PLXNA4: variants seen among roughly 807,000 people sequenced by gnomAD.
The protein encoded by PLXNA4 is plexin-A4.
PLXNA4 carries 44 observed loss-of-function variants against 191.8 expected under a neutral mutation model. That is an observed-to-expected ratio of 0.23 (90% CI 0.18 to 0.29). PLXNA4 has a LOEUF of 0.29. Among genes scored for constraint, PLXNA4 ranks in the 10% least tolerant of loss-of-function variants. PLXNA4 has a pLI of 1.00. For synonymous variants in PLXNA4, 1,082 were observed against 1,009.5 expected, an observed-to-expected ratio of 1.07 and a Z score of -1.36; for missense variants, 1,800 against 2,488.8, an observed-to-expected ratio of 0.72 and a Z score of 5.89.
intron 3 of PLXNA4, among the ~76,000 whole-genome samples, chr7:132,457,248 A>G (rs1796347501): frequency 6.6e-6 from 1 of 152,194 alleles, no homozygotes; most frequent in South Asian, 2.1e-4. Flanking sequence ...CAGTTTTTCC[A>G]CTAATGTCCT....
At chr7:132,231,081 CT>C (rs1334211644) in intron 5 of PLXNA4, among the ~76,000 whole-genome samples, 1 of 152,190 alleles carries the variant, frequency 6.6e-6, no homozygotes, top group Non-Finnish European at 1.5e-5. Flanking sequence ...TACTCATCAT[CT>C]TCCCCCAATT....
Position 132,211,161 on chromosome 7 carries a change from G to A in PLXNA4, c.2098-18C>T, listed in dbSNP as rs566210343. ...GGGCAGTCCTGGGGACAGAGGGCATGGCTCAGGCTGGGCAGCCAGGAAACC... is the reference window on the plus strand; with the variant it reads ...GGGCAGTCCTGGGGACAGAGGGCATAGCTCAGGCTGGGCAGCCAGGAAACC... On this transcript the variant is annotated intron_variant, in intron 9 of 31. Coordinates refer to ENST00000321063, the MANE Select transcript of PLXNA4 (RefSeq NM_020911.2). 1.4e-4 allele frequency: 220 copies of A among 1,549,506 alleles called. No homozygotes were observed. The highest frequency in any genetic ancestry group is 3.1e-4 in the Admixed American group (16 of 51,052).
At chr7:132,230,775 C>T (rs1584876072) in intron 5 of PLXNA4, among the ~76,000 whole-genome samples, 1 of 152,192 alleles carries the variant, frequency 6.6e-6, no homozygotes, top group East Asian at 1.9e-4. Flanking sequence ...ACTGACTCCC[C>T]AACTTTGAAG....
chr7:132,601,144 A>G (rs1191500809), intron 2 of PLXNA4, among the ~76,000 whole-genome samples: 1 of 152,180 alleles, frequency 6.6e-6, no homozygotes, highest in Non-Finnish European at 1.5e-5. Context: ...TCCTCAAAAT[A>G]CCTACTATAC....
intron 5 of PLXNA4, among the ~76,000 whole-genome samples, chr7:132,238,843 C>A (rs1798789079): frequency 1.3e-5 from 2 of 152,246 alleles, no homozygotes; most frequent in African/African-American, 4.8e-5. Context: ...AGCTCACAGT[C>A]CTTCCCCAGC....
chr7:132,381,070 AT>A (rs1804875000), intron 3 of PLXNA4, among the ~76,000 whole-genome samples: 1 of 152,242 alleles, frequency 6.6e-6, no homozygotes, highest in African/African-American at 2.4e-5. Flanking sequence ...ATGGACTATA[AT>A]CAGTTTCAAT....
At chr7:132,424,895 T>C (rs1585117116) in intron 3 of PLXNA4, among the ~76,000 whole-genome samples, 1 of 152,226 alleles carries the variant, frequency 6.6e-6, no homozygotes, top group East Asian at 1.9e-4. Context: ...TGGTGTGCCC[T>C]CCACGCATCG....
At chr7:132,274,214 G>C (rs1800185524) in intron 4 of PLXNA4, among the ~76,000 whole-genome samples, 1 of 151,862 alleles carries the variant, frequency 6.6e-6, no homozygotes, top group South Asian at 2.1e-4. Context: ...AAGAATTGTG[G>C]AGAGTGATGG....
In PLXNA4 at chr7:132,476,508, G is replaced by C. The variant is rs957512060; in HGVS notation, c.1371+12784C>G. ...AGGATTCTGACTCTGCAAGTCTCTTGCCTTTTCCAGAGAGGAGCAGGTTGG... is the reference window on the plus strand; with the variant it reads ...AGGATTCTGACTCTGCAAGTCTCTTCCCTTTTCCAGAGAGGAGCAGGTTGG... On this transcript the variant is annotated intron_variant, in intron 3 of 31. Transcript: ENST00000321063. Among the ~76,000 whole-genome samples, 10 of 152,326 alleles carry C rather than the reference G, an allele frequency of 6.6e-5. No homozygotes were observed. In the East Asian group the frequency reaches 1.9e-3, roughly 29 times the overall value.
Position 132,174,780 on chromosome 7 carries a change from C to T in PLXNA4, c.4015G>A (p.Glu1339Lys). The T allele has an allele frequency of 6.2e-7, 1 of 1,613,996 alleles. No individual in the cohort carries two copies. Among genetic ancestry groups the T allele is most frequent in the Non-Finnish European group, 8.5e-7 (1 of 1,179,838 alleles). Reference protein sequence around the residue: ...IEDHPVLRDLEVPGYRQERVE... With the variant: ...IEDHPVLRDLKVPGYRQERVE... The stretch of plus-strand genomic sequence containing the variant: ...CAGGATGGAGCACTGCTTCTCACCT[C>T]AAGGTCCCGGAGGACAGGGTGGTCT... The change falls in exon 21 of 32, where the codon GAG becomes AAG. Residue 1339 changes from glutamate (E) to lysine (K), a missense_variant and splice_region_variant. Around this residue, in one of 6 missense-constraint regions of PLXNA4, gnomAD observed 1,397 missense variants for 1,880.4 expected, o/e 0.74. Coordinates refer to ENST00000321063, the MANE Select transcript of PLXNA4 (RefSeq NM_020911.2).
chr7:132,489,219 T>C (rs1797682779), intron 3 of PLXNA4, 73 bp downstream of exon 3: 59 of 1,455,538 alleles, frequency 4.1e-5, no homozygotes, highest in Non-Finnish European at 4.6e-5. Context: ...AGCAAAAAGA[T>C]GTAAGATAAC....
At chr7:132,279,025 G>A (rs901096159) in intron 4 of PLXNA4, among the ~76,000 whole-genome samples, 2 of 152,192 alleles carry the variant, frequency 1.3e-5, no homozygotes, top group East Asian at 1.9e-4. Context: ...TGATAACAAT[G>A]ACTGAATAGT....
chr7:132,275,728 C>T (rs1800251421), intron 4 of PLXNA4, among the ~76,000 whole-genome samples: 1 of 152,198 alleles, frequency 6.6e-6, no homozygotes. Flanking sequence ...TCGCCAGCAC[C>T]TGGGTCTAGC....
chr7:132,568,425 GAATTCTGGGGCTCCT>G (rs1234277531), intron 1 of PLXNA4, among the ~76,000 whole-genome samples: 7 of 152,150 alleles, frequency 4.6e-5, no homozygotes, highest in Admixed American at 6.5e-5. Context: ...ACAGACTCGT[GAATTCTGGGGCTCCT>G]AATTGGAGTA....
upstream of PLXNA4, chr7:132,577,162 G>C (rs1400278627): frequency 6.8e-5 from 10 of 146,744 alleles, no homozygotes; most frequent in South Asian, 1.8e-3. Context: ...GCTCGGCCGC[G>C]GGCCGAGCCG....
chr7:132,632,699 T>A (rs909471882), intron 2 of PLXNA4, among the ~76,000 whole-genome samples: 1 of 152,226 alleles, frequency 6.6e-6, no homozygotes, highest in African/African-American at 2.4e-5. Context: ...AATCCCATTA[T>A]CACTATCATT....
chr7:132,169,975 T>C lies in PLXNA4; in HGVS notation c.4018-1403A>G, dbSNP rs549041760. Among the ~76,000 whole-genome samples, 9 of 152,104 alleles carry C rather than the reference T, an allele frequency of 5.9e-5. No individual in the cohort carries two copies. The South Asian group carries it at 1.5e-3, about 25-fold the overall frequency. On this transcript the variant is annotated intron_variant, in intron 21 of 31. Transcript: ENST00000321063. ...GAGGCAGGGAGTGGGAGGGACGGCC[T>C]GGGGAGGTAACTTCGGAGTCACGTC...
intron 3 of PLXNA4, among the ~76,000 whole-genome samples, chr7:132,356,238 C>T (rs1281818055): frequency 6.6e-6 from 1 of 152,090 alleles, no homozygotes; most frequent in Admixed American, 6.6e-5. Flanking sequence ...TATCCAGGTG[C>T]TCAAATGGGA....
rs1563048394 is a variant in PLXNA4 at position 132,132,471 on chromosome 7, TG to T, written c.5589+577del. Among the ~76,000 whole-genome samples, 275 of 57,932 alleles carry T rather than the reference TG, an allele frequency of 4.7e-3. 8 individuals are homozygous for T. The highest frequency in any genetic ancestry group is 4.9e-3 in the Non-Finnish European group (145 of 29,892). The allele number at this position is 57,932 out of a possible 152,430, so 38.0% of individuals were successfully genotyped here. A position where few individuals can be genotyped will look rare whatever the true frequency, so the allele number is the denominator to read the frequency against. On this transcript the variant is annotated intron_variant, in intron 31 of 31. Transcript: ENST00000321063. ...TGTTCTGTTCTGTTCTGTTCTGCTC[TG>T]CTCTGCTCTGCTCTGCTCTATTCTT...
Sources: gnomAD v4.1 joint callset for allele counts (sites outside exome capture counted in the v4.1 genomes callset) on GRCh38, gnomAD v4.1.1 for gene constraint, gnomAD v4.1.1 regional missense constraint, MANE v1.5 for transcripts, NCBI Gene and HGNC (gene_info 2026-07-23, HGNC 2026-07-21) for gene names.